The following LRP1B variants were observed in gnomAD, a reference collection of about 807,000 sequenced individuals.
LRP1B encodes the protein LDL receptor related protein 1B.
In LRP1B, 217 loss-of-function variants were observed where a neutral mutation model predicts 556.6. That is an observed-to-expected ratio of 0.39 (90% CI 0.35 to 0.44). LRP1B has a LOEUF of 0.44. Ranked by LOEUF, LRP1B falls within the 20% of genes least tolerant of loss-of-function variation. The probability of loss-of-function intolerance (pLI) is 1.00; values close to 1 mark genes in which losing one functional copy is unlikely to be tolerated. For missense variants in LRP1B, 5,053 were observed against 5,620.8 expected (o/e 0.90, Z 3.23); for synonymous variants, 2,047 against 1,865.8 (o/e 1.10, Z -2.50).
intron 1 of LRP1B, among the ~76,000 whole-genome samples, chr2:142,109,761 G>A (rs1010500309): frequency 6.6e-6 from 1 of 152,034 alleles, no homozygotes; most frequent in Non-Finnish European, 1.5e-5. Context: ...AACCAAAAGT[G>A]TAACATGTTT....
rs1288707477 is a variant in LRP1B at position 140,645,722 on chromosome 2, T to C, written c.6800-44083A>G. ...CCCGGCTAATTTTTTGTATTTTTAG[T>C]AGAGACGGGGTTTCACCATGTTAGC... is the stretch of plus-strand genomic sequence containing the variant. On this transcript the variant is annotated intron_variant, in intron 41 of 90. Transcript: ENST00000389484. Among the ~76,000 whole-genome samples the C allele has an allele frequency of 2.6e-5, 4 of 151,838 alleles. No individual in the cohort carries two copies. The East Asian group carries it at 7.8e-4, about 30-fold the overall frequency.
chr2:141,686,537 C>T (rs886867659), intron 2 of LRP1B, among the ~76,000 whole-genome samples: 11 of 151,872 alleles, frequency 7.2e-5, no homozygotes, highest in Non-Finnish European at 1.5e-4. Flanking sequence ...TGGTAGTTGT[C>T]ATCAATGGGC....
intron 41 of LRP1B, among the ~76,000 whole-genome samples, chr2:140,607,613 A>G (rs1682915260): frequency 6.8e-6 from 1 of 146,236 alleles, no homozygotes; most frequent in Non-Finnish European, 1.5e-5. Flanking sequence ...CATATATGCT[A>G]AACTCGACCC....
intron 82 of LRP1B, among the ~76,000 whole-genome samples, chr2:140,316,657 G>T (rs1445610480): frequency 9.9e-5 from 15 of 152,060 alleles, no homozygotes; most frequent in African/African-American, 3.4e-4. Context: ...TTGAGCCTCA[G>T]TTACTTCACT....
chr2:140,576,350 G>A (rs1681525815), intron 43 of LRP1B, among the ~76,000 whole-genome samples: 1 of 152,072 alleles, frequency 6.6e-6, no homozygotes. Flanking sequence ...TACTTGCTTT[G>A]TAAGACGTAA....
intron 23 of LRP1B, among the ~76,000 whole-genome samples, chr2:140,891,218 A>T (rs1693788579): frequency 6.6e-6 from 1 of 152,160 alleles, no homozygotes; most frequent in South Asian, 2.1e-4. Flanking sequence ...TTTAGAAAAC[A>T]CTCAGAAGAC....
chr2:140,579,811 C>T (rs1681688525), intron 43 of LRP1B, among the ~76,000 whole-genome samples: 1 of 152,148 alleles, frequency 6.6e-6, no homozygotes, highest in Admixed American at 6.5e-5. Flanking sequence ...CACTGCACTC[C>T]AGCCTGGGCT....
chr2:140,955,659 T>G (rs572844890), intron 18 of LRP1B, among the ~76,000 whole-genome samples: 1 of 151,944 alleles, frequency 6.6e-6, no homozygotes, highest in Non-Finnish European at 1.5e-5. Flanking sequence ...TCAATTTACC[T>G]ATTATATGTT....
chr2:141,001,408 T>C (rs1043736343), intron 15 of LRP1B, among the ~76,000 whole-genome samples: 1 of 152,084 alleles, frequency 6.6e-6, no homozygotes, highest in Non-Finnish European at 1.5e-5. Flanking sequence ...GCCATGTTGC[T>C]GTGCTGCACC....
intron 7 of LRP1B, among the ~76,000 whole-genome samples, chr2:141,108,882 C>A (rs1173941623): frequency 6.6e-6 from 1 of 152,074 alleles, no homozygotes; most frequent in Non-Finnish European, 1.5e-5. Context: ...GATAATAGCC[C>A]TTCTCTGAAC....
intron 1 of LRP1B, among the ~76,000 whole-genome samples, chr2:142,002,418 A>G (rs572673523): frequency 6.6e-6 from 1 of 152,056 alleles, no homozygotes; most frequent in South Asian, 2.1e-4. Flanking sequence ...GTAGGGACAC[A>G]TCTCTAAACT....
chr2:141,094,341 TTATAAC>T (rs1032115225), intron 7 of LRP1B, among the ~76,000 whole-genome samples: 5 of 152,168 alleles, frequency 3.3e-5, no homozygotes, highest in African/African-American at 9.6e-5. Flanking sequence ...TACCCAAACC[TTATAAC>T]TATATTATTT....
chr2:141,346,435 G>A (rs540353660), intron 3 of LRP1B, among the ~76,000 whole-genome samples: 8 of 152,188 alleles, frequency 5.3e-5, no homozygotes, highest in African/African-American at 1.9e-4. Flanking sequence ...GTTTTCCAGA[G>A]ATTGCTTTTC....
At chr2:141,709,331 A>G (rs1692268789) in intron 2 of LRP1B, among the ~76,000 whole-genome samples, 1 of 145,434 alleles carries the variant, frequency 6.9e-6, no homozygotes, top group Non-Finnish European at 1.5e-5. Context: ...CCTGGGCAAC[A>G]GAGTGAGATT....
In LRP1B at chr2:140,926,534, G is replaced by T. The variant is rs551081709; in HGVS notation, c.3137-3387C>A. Among the ~76,000 whole-genome samples, 6 of 152,102 alleles carry T rather than the reference G, an allele frequency of 3.9e-5. No individual in the cohort carries two copies. The South Asian group carries it at 1.2e-3, about 32-fold the overall frequency. On this transcript the variant is annotated intron_variant, in intron 20 of 90. Transcript: ENST00000389484. ...TTAAAAAAAAAATCTGTACATACAG[G>T]GTCTTACTTTGTTGCCTAGACTGGT... is the stretch of plus-strand genomic sequence containing the variant.
intron 1 of LRP1B, among the ~76,000 whole-genome samples, chr2:142,037,000 T>C (rs975998031): frequency 1.3e-5 from 2 of 151,616 alleles, no homozygotes; most frequent in African/African-American, 4.8e-5. Flanking sequence ...TTGGCATTGA[T>C]GTTGGGTCAC....
chr2:140,838,984 G>C (rs565640351), intron 31 of LRP1B, among the ~76,000 whole-genome samples: 1 of 152,104 alleles, frequency 6.6e-6, no homozygotes, highest in African/African-American at 2.4e-5. Flanking sequence ...GTGCCATCAC[G>C]TTATAGCTGA....
Position 140,328,484 on chromosome 2 carries a change from AAAAG to A in LRP1B, c.12224-2610_12224-2607del, listed in dbSNP as rs200937678. Among the ~76,000 whole-genome samples, 582 of 151,436 alleles carry A rather than the reference AAAAG, an allele frequency of 3.8e-3. 6 individuals carry two copies. The highest frequency in any genetic ancestry group is 0.013 in the African/African-American group (531 of 41,348). The stretch of plus-strand genomic sequence containing the variant: ...GCTGGAAGAAAATGAAAGAAAAAAA[AAAAG>A]AAAATGAAGAAAACAAAATATTATG... On this transcript the variant is annotated intron_variant, in intron 79 of 90. Transcript: ENST00000389484.
At chr2:141,763,559 T>C (rs1166601601) in intron 2 of LRP1B, among the ~76,000 whole-genome samples, 1 of 152,140 alleles carries the variant, frequency 6.6e-6, no homozygotes, top group African/African-American at 2.4e-5. Context: ...CGGTCAGTGA[T>C]GGTAAGTTTT....
Sources: allele counts gnomAD v4.1 joint callset (sites outside exome capture counted in the v4.1 genomes callset), GRCh38; gene constraint gnomAD v4.1.1; transcripts MANE v1.5; gene names NCBI Gene and HGNC (gene_info 2026-07-23, HGNC 2026-07-21).